Variants in PLCD3 observed in about 807,000 individuals in gnomAD.
PLCD3 encodes the protein phospholipase C delta 3.
In PLCD3, 62 loss-of-function variants were observed where a neutral mutation model predicts 82.8. The ratio of observed to expected loss-of-function variants is 0.75; its 90% confidence interval spans 0.61 to 0.93. The LOEUF (loss-of-function observed/expected upper bound fraction) is 0.93, where lower values mean the gene tolerates loss of function less well. PLCD3 is among the 40% of genes least tolerant of loss of function. PLCD3 has a pLI of 0.00. For missense variants in PLCD3, 1,023 were observed against 1,103.4 expected (o/e 0.93, Z 1.03); for synonymous variants, 478 against 471.8 (o/e 1.01, Z -0.17).
Position 45,112,712 on chromosome 17 carries a change from G to T in PLCD3, c.2282-8C>A. On this transcript the variant is annotated splice_polypyrimidine_tract_variant and splice_region_variant and intron_variant, in intron 14 of 14. Transcript: ENST00000619929. ...GGTGTATGTGGCGGTACCCTGTAGG[G>T]AGGACAGCCAGGCCTCAGGTCCTCT... 6.2e-7 allele frequency: 1 copy of T among 1,601,772 alleles called. No homozygotes were observed. Among genetic ancestry groups the T allele is most frequent in the Non-Finnish European group, 8.5e-7 (1 of 1,174,496 alleles).
Position 45,114,459 on chromosome 17 carries a change from C to T in PLCD3, c.1712-93G>A, listed in dbSNP as rs571221995. ...ACCTCCAGGGAACAGAGCCCAAGCCCGTCCCCAGGTCACCCTGCCCCCGCT... is the reference window on the plus strand; with the variant it reads ...ACCTCCAGGGAACAGAGCCCAAGCCTGTCCCCAGGTCACCCTGCCCCCGCT... On this transcript the variant is annotated intron_variant, in intron 10 of 14. Transcript: ENST00000619929. 6.0e-5 allele frequency: 58 copies of T among 965,658 alleles called. 1 individual carries two copies. The highest frequency in any genetic ancestry group is 5.2e-4 in the South Asian group (32 of 61,488). The allele number at this position is 965,658 out of a possible 1,614,324, so 59.8% of individuals were successfully genotyped here.
intron 1 of PLCD3, chr17:45,129,122 G>A (rs1354684193): frequency 2.6e-5 from 4 of 152,258 alleles, no homozygotes; most frequent in African/African-American, 4.8e-5. Flanking sequence ...GATAATATGC[G>A]AAAAGCGCCT....
chr17:45,128,862 CTGGGGGCTGGCAGGGCCCCCA>C (rs1235045952), intron 1 of PLCD3, among the ~76,000 whole-genome samples: 1 of 152,226 alleles, frequency 6.6e-6, no homozygotes, highest in East Asian at 1.9e-4. Context: ...GAGGACGCTC[CTGGGGGCTGGCAGGGCCCCCA>C]TGGGAGAGGA....
chr17:45,131,550 T>G (rs1043418859), intron 1 of PLCD3, among the ~76,000 whole-genome samples: 1 of 152,242 alleles, frequency 6.6e-6, no homozygotes, highest in Non-Finnish European at 1.5e-5. Flanking sequence ...TTGCCGTCTC[T>G]GAGTCAGTTT....
At chr17:45,112,759 C>A (rs1046947784) in intron 14 of PLCD3, 55 bp from the exon 15 acceptor site, 1 of 1,589,514 alleles carries the variant, frequency 6.3e-7, no homozygotes, top group Non-Finnish European at 8.6e-7. Context: ...GGGTCTGGCC[C>A]AGCCCGGGCC....
chr17:45,115,316 T>TCCCCCCC, intron 9 of PLCD3, 28 bp downstream of exon 9: 1 of 1,474,956 alleles, frequency 6.8e-7, no homozygotes, highest in Non-Finnish European at 9.1e-7. Context: ...TTCCCCCCCT[T>TCCCCCCC]CCCCACCCCA....
At chr17:45,113,308 C>A in intron 12 of PLCD3, 51 bp from the exon 13 acceptor site, 1 of 1,558,416 alleles carries the variant, frequency 6.4e-7, no homozygotes, top group Non-Finnish European at 8.7e-7. Flanking sequence ...TTGGCCATCC[C>A]CTCATGGGCC....
chr17:45,121,275 CA>C lies in PLCD3; in HGVS notation c.260del (p.Leu87ArgfsTer6). The part of the protein sequence containing the change: ...RTWHKERLYR[L>X]QEDGLSVWFQ... Reference sequence around the variant, plus strand: ...ACCACACGCTCAGGCCGTCCTCCTGCAGCCGGTACAGCCGCTCCTTGTGCCA... The same window carrying C: ...ACCACACGCTCAGGCCGTCCTCCTGCGCCGGTACAGCCGCTCCTTGTGCCA... On this transcript the variant is annotated frameshift_variant, in exon 2 of 15. Coordinates refer to ENST00000619929, the MANE Select transcript of PLCD3 (RefSeq NM_133373.5). LOFTEE classifies it high-confidence loss of function. 6.3e-7 allele frequency: 1 copy of C among 1,587,306 alleles called. No individual in the cohort carries two copies. Among genetic ancestry groups the C allele is most frequent in the South Asian group, 1.1e-5 (1 of 89,012 alleles).
At chr17:45,124,699 C>T (rs2054368042) in intron 1 of PLCD3, among the ~76,000 whole-genome samples, 1 of 152,252 alleles carries the variant, frequency 6.6e-6, no homozygotes, top group African/African-American at 2.4e-5. Context: ...GGCCCAAGCC[C>T]ACAGATGTCG....
chr17:45,113,434 C>T lies in PLCD3; in HGVS notation c.1995+5G>A. ...CCACACTGGGGCCCGTTCCAGCCTG[C>T]TGACCTGGATGCTGAGAGTGGTTCT... On this transcript the variant is annotated splice_donor_5th_base_variant and intron_variant, in intron 12 of 14. Coordinates refer to ENST00000619929, the MANE Select transcript of PLCD3 (RefSeq NM_133373.5). 1 of 1,588,990 alleles carries T rather than the reference C, an allele frequency of 6.3e-7. No homozygotes were observed. The highest frequency in any genetic ancestry group is 8.6e-7 in the Non-Finnish European group (1 of 1,167,674).
intron 9 of PLCD3, 22 bp downstream of exon 9, chr17:45,115,322 C>A: frequency 1.3e-6 from 2 of 1,509,440 alleles, no homozygotes; most frequent in Non-Finnish European, 1.8e-6. Flanking sequence ...CCCTTCCCCA[C>A]CCCACCCATC....
At chr17:45,130,926 C>T (rs916927455) in intron 1 of PLCD3, among the ~76,000 whole-genome samples, 1 of 151,956 alleles carries the variant, frequency 6.6e-6, no homozygotes, top group African/African-American at 2.4e-5. Context: ...CCCCCTGTTC[C>T]CCCACCCCCA....
rs2143620785 is a variant in PLCD3, at chr17:45,132,157, G to A, written c.163+91C>T. On this transcript the variant is annotated intron_variant, in intron 1 of 14. Transcript: ENST00000619929. This position sits in a 1 kb window ranked among gnomAD's most constrained non-coding sequence, Gnocchi z 4.6. ...ATAGCCTCCCAGCCCCGTGCAGCCT[G>A]GGGAATCCACGAACTGCTCCCTGGA... 2 of 1,192,386 alleles carry A rather than the reference G, an allele frequency of 1.7e-6. No individual in the cohort carries two copies. Among genetic ancestry groups the A allele is most frequent in the South Asian group, 8.5e-5 (2 of 23,496 alleles). The allele number at this position is 1,192,386 out of a possible 1,614,324, so 73.9% of individuals were successfully genotyped here.
chr17:45,120,205 C>A, intron 4 of PLCD3, 120 bp downstream of exon 4: 1 of 1,372,826 alleles, frequency 7.3e-7, no homozygotes, highest in Non-Finnish European at 1.0e-6. Flanking sequence ...GGAAAGGCTG[C>A]TCGCTCCAAA....
rs752740502 is a variant in PLCD3, at chr17:45,118,807, C to G, written c.913+8G>C. On this transcript the variant is annotated splice_region_variant and intron_variant, in intron 5 of 14. Transcript: ENST00000619929. The surrounding 1 kb of genome is among the most constrained non-coding windows in gnomAD (Gnocchi z 4.1). ...GGTGCCACGACCTGGCCGTGCCACC[C>G]CCCCCACCTGTCTCGTTGAGCTCAT... The G allele has an allele frequency of 5.6e-6, 9 of 1,597,160 alleles. No homozygotes were observed. Among genetic ancestry groups the G allele is most frequent in the South Asian group, 5.5e-5 (5 of 90,476 alleles).
chr17:45,122,526 C>T (rs550283444), intron 1 of PLCD3, among the ~76,000 whole-genome samples: 1 of 152,140 alleles, frequency 6.6e-6, no homozygotes, highest in Non-Finnish European at 1.5e-5. Context: ...CACGGCTCTT[C>T]TAGTGCTTCT....
At chr17:45,125,125 A>C (rs4986167) in intron 1 of PLCD3, among the ~76,000 whole-genome samples, 42 of 150,232 alleles carry the variant, frequency 2.8e-4, no homozygotes, top group African/African-American at 1.0e-3. Context: ...TCAGGAGTTC[A>C]AGACCAGCCT....
intron 1 of PLCD3, among the ~76,000 whole-genome samples, chr17:45,122,991 C>T (rs1351248554): frequency 6.6e-6 from 1 of 151,998 alleles, no homozygotes; most frequent in Non-Finnish European, 1.5e-5. Flanking sequence ...ATGTTGACAA[C>T]GAAATCAAAT....
chr17:45,122,478 G>A (rs1224940608), intron 1 of PLCD3, among the ~76,000 whole-genome samples: 2 of 152,168 alleles, frequency 1.3e-5, no homozygotes, highest in Non-Finnish European at 2.9e-5. Flanking sequence ...GGCTCTGGAG[G>A]TCGGGGTCCA....
Sources: allele counts gnomAD v4.1 joint callset (sites outside exome capture counted in the v4.1 genomes callset), GRCh38; gene constraint gnomAD v4.1.1; non-coding constraint Gnocchi (gnomAD v3.1); transcripts MANE v1.5; gene names NCBI Gene and HGNC (gene_info 2026-07-23, HGNC 2026-07-21).